The following RNF166 variants were observed in gnomAD, a reference collection of about 807,000 sequenced individuals.
The protein encoded by RNF166 is E3 ubiquitin-protein ligase RNF166.
A neutral mutation model predicts 29.4 loss-of-function variants in RNF166; 19 were observed. The ratio of observed to expected loss-of-function variants is 0.65; its 90% CI spans 0.45 to 0.95. The LOEUF (loss-of-function observed/expected upper bound fraction) is 0.95, where lower values mean the gene tolerates loss of function less well. Among genes scored for constraint, RNF166 ranks in the 40% least tolerant of loss-of-function variants. The pLI, the probability that RNF166 is intolerant of heterozygous loss-of-function variation, is 0.00. For synonymous variants in RNF166, 171 were observed against 134.5 expected (o/e 1.27, Z -1.88); for missense variants, 347 against 322.1 (o/e 1.08, Z -0.59).
chr16:88,699,159 C>G (rs527880741), intron 3 of RNF166, 74 bp from the exon 4 acceptor site: 1 of 1,079,348 alleles, frequency 9.3e-7, no homozygotes, highest in East Asian at 2.6e-5. Flanking sequence ...CTCTCAAACA[C>G]AGGCGTGGCC....
At chr16:88,704,443 A>T (rs957345846) in intron 1 of RNF166, 1 of 985,292 alleles carries the variant, frequency 1.0e-6, no homozygotes, top group African/African-American at 1.7e-5. Context: ...ATGCTCCACA[A>T]TTCCATGTGG....
intron 1 of RNF166, chr16:88,704,214 C>A (rs1038037991): frequency 1.0e-6 from 1 of 985,340 alleles, no homozygotes; most frequent in Non-Finnish European, 1.2e-6. Flanking sequence ...TTTAAACTTT[C>A]TGTGGTCATT....
chr16:88,703,334 G>A (rs552070169), intron 1 of RNF166: 224 of 985,470 alleles, frequency 2.3e-4, no homozygotes, highest in Middle Eastern at 5.2e-4. Context: ...AGACCAGGCC[G>A]GGGCTCGGCT....
In RNF166 at chr16:88,706,340, C is replaced by T. The variant is rs1367415876; in HGVS notation, c.-15G>A. The T allele has an allele frequency of 8.3e-6, 10 of 1,209,896 alleles. No homozygotes were observed. Among genetic ancestry groups the T allele is most frequent in the African/African-American group, 1.6e-5 (1 of 62,818 alleles). 74.9% of individuals were successfully genotyped at this position (1,209,896 alleles called of 1,614,324 possible). ...AACATAGCCATCCCGGGGCCAGGCCCGCGCCGCCCGCCGCCCGCTGTCCTG... is the reference window on the plus strand; with the variant it reads ...AACATAGCCATCCCGGGGCCAGGCCTGCGCCGCCCGCCGCCCGCTGTCCTG... On this transcript the variant is annotated 5_prime_UTR_variant, in exon 1 of 6. Coordinates refer to ENST00000312838, the MANE Select transcript of RNF166 (RefSeq NM_178841.4).
chr16:88,697,788 C>G, intron 5 of RNF166, 155 bp from the exon 6 acceptor site: 1 of 617,534 alleles, frequency 1.6e-6, no homozygotes, highest in Non-Finnish European at 3.0e-6. Context: ...GGCTCGGGGC[C>G]TGCACGGTCC....
chr16:88,699,885 ACAAT>A lies in RNF166; in HGVS notation c.313-157_313-154del, dbSNP rs1237562244. On this transcript the variant is annotated intron_variant, in intron 2 of 5. Transcript: ENST00000312838. ...GGACCCGGTCCCTTCTGCTGCTAAA[ACAAT>A]CTCAGGCACTGAGCAGCCACTACTC... 6 of 570,928 alleles carry A rather than the reference ACAAT, an allele frequency of 1.1e-5. No individual in the cohort carries two copies. The East Asian group carries it at 1.8e-4, about 17-fold the overall frequency. 35.4% of individuals were successfully genotyped at this position (570,928 alleles called of 1,614,324 possible). A position where few individuals can be genotyped will look rare whatever the true frequency, so the allele number is the denominator to read the frequency against.
At chr16:88,704,080 C>T (rs1910533064) in intron 1 of RNF166, 2 of 985,388 alleles carry the variant, frequency 2.0e-6, no homozygotes, top group Non-Finnish European at 2.4e-6. Context: ...GGTGCATGCC[C>T]CCACACTGGG....
At chr16:88,700,949 G>C (rs1404345554) in intron 2 of RNF166, 3 of 1,208,888 alleles carry the variant, frequency 2.5e-6, no homozygotes, top group East Asian at 5.1e-5. Context: ...GGCTGCATTG[G>C]GAAGGTTTCA....
intron 1 of RNF166, chr16:88,703,727 G>C (rs539549661): frequency 1.0e-6 from 1 of 985,476 alleles, no homozygotes; most frequent in Non-Finnish European, 1.2e-6. Context: ...TGGGGGCGTC[G>C]ACAGCCTTAC....
rs368060854 is a variant in RNF166 at position 88,699,603 on chromosome 16, C to T, written c.425+17G>A. ...CGCCGAGGACAGTTCCTCTCCCTTG[C>T]CCGGCAGCGTGCCTACCTGGGGATA... On this transcript the variant is annotated intron_variant, in intron 3 of 5. Transcript: ENST00000312838. 125 of 1,594,328 alleles carry T rather than the reference C, an allele frequency of 7.8e-5. 1 individual carries two copies. Among genetic ancestry groups the T allele is most frequent in the East Asian group, 7.0e-4 (31 of 44,596 alleles).
chr16:88,703,567 T>A (rs1220179987), intron 1 of RNF166: 1 of 985,372 alleles, frequency 1.0e-6, no homozygotes, highest in Non-Finnish European at 1.2e-6. Flanking sequence ...TCTATCGGCC[T>A]AGTTTCCAGT....
intron 5 of RNF166, 48 bp from the exon 6 acceptor site, chr16:88,697,681 G>C (rs1909766515): frequency 8.6e-6 from 12 of 1,399,062 alleles, no homozygotes; most frequent in African/African-American, 1.4e-5. Flanking sequence ...AGACAGGAAG[G>C]AGAGGTCCCC....
intron 1 of RNF166, chr16:88,703,937 C>A (rs933390159): frequency 5.1e-6 from 5 of 985,472 alleles, no homozygotes; most frequent in Non-Finnish European, 4.8e-6. Flanking sequence ...CCCTTCCAGG[C>A]AGGTTCGTGA....
chr16:88,705,021 C>G (rs898525089), intron 1 of RNF166, among the ~76,000 whole-genome samples: 1 of 152,186 alleles, frequency 6.6e-6, no homozygotes, highest in Non-Finnish European at 1.5e-5. Context: ...AGAGGCTGCC[C>G]CCCCAAAATG....
In RNF166 at chr16:88,702,977, G is replaced by C. The variant is rs755459422; in HGVS notation, c.156-1559C>G. The C allele has an allele frequency of 8.1e-6, 8 of 985,602 alleles. No individual in the cohort carries two copies. The South Asian group carries it at 3.8e-4, about 46-fold the overall frequency. 61.1% of individuals were successfully genotyped at this position (985,602 alleles called of 1,614,324 possible). A position where few individuals can be genotyped will look rare whatever the true frequency, so the allele number is the denominator to read the frequency against. ...AGAAGCGGAAGCAGCTCAGGTGCCC[G>C]TCGGTAAACGGATGAAGAGACGGCG... On this transcript the variant is annotated intron_variant, in intron 1 of 5. Coordinates refer to ENST00000312838, the MANE Select transcript of RNF166 (RefSeq NM_178841.4).
At chr16:88,703,519 G>C in intron 1 of RNF166, 1 of 985,426 alleles carries the variant, frequency 1.0e-6, no homozygotes, top group Non-Finnish European at 1.2e-6. Context: ...TGGGCCCGAG[G>C]AGCAGGAGGC....
At chr16:88,701,856 C>T (rs57626073) in intron 1 of RNF166, among the ~76,000 whole-genome samples, 2,748 of 152,306 alleles carry the variant, frequency 0.018, 70 homozygotes, top group African/African-American at 0.058. Flanking sequence ...CTCAAACAAT[C>T]GTGGGAAAGG....
At position 88,705,873 on chromosome 16, in the gene RNF166, C is replaced by T. The variant is rs1910740542; in HGVS notation, c.155+298G>A. ...TGCCCTCTGAGTACCGGAGCGCCCG[C>T]CGCAGCCGCCGGGGACCCCGAGCTT... On this transcript the variant is annotated intron_variant, in intron 1 of 5. Coordinates refer to ENST00000312838, the MANE Select transcript of RNF166 (RefSeq NM_178841.4). Among the ~76,000 whole-genome samples the T allele has an allele frequency of 3.3e-5, 5 of 152,314 alleles. No individual in the cohort carries two copies. In the South Asian group the frequency reaches 1.0e-3, roughly 32 times the overall value.
chr16:88,704,470 A>G lies in RNF166; in HGVS notation c.155+1701T>C, dbSNP rs1020335407. The G allele has an allele frequency of 8.1e-6, 8 of 985,258 alleles. No homozygotes were observed. In the African/African-American group the frequency reaches 1.4e-4, roughly 17 times the overall value. 61.0% of individuals were successfully genotyped at this position (985,258 alleles called of 1,614,324 possible). On this transcript the variant is annotated intron_variant, in intron 1 of 5. Transcript: ENST00000312838. ...TCCATGTGGTTCTGCATTCTGTGTT[A>G]TGGAAACTACATTTTAGGAAAAGAC...
Sources: gnomAD v4.1 joint callset for allele counts (sites outside exome capture counted in the v4.1 genomes callset) on GRCh38, gnomAD v4.1.1 for gene constraint, MANE v1.5 for transcripts, NCBI Gene and HGNC (gene_info 2026-07-23, HGNC 2026-07-21) for gene names.